The following LHFPL6 variants were observed in gnomAD, a reference collection of about 807,000 sequenced individuals.
The protein encoded by LHFPL6 is LHFPL tetraspan subfamily member 6 protein.
A neutral mutation model predicts 20.6 loss-of-function variants in LHFPL6; 9 were observed. That is an observed-to-expected ratio of 0.44 (90% CI 0.26 to 0.76). The LOEUF (loss-of-function observed/expected upper bound fraction) is 0.76. Ranked by LOEUF, LHFPL6 falls within the 30% of genes least tolerant of loss-of-function variation. The probability of loss-of-function intolerance (pLI) is 0.20; values close to 1 mark genes in which losing one functional copy is unlikely to be tolerated. For missense variants in LHFPL6, 218 were observed against 253.5 expected (o/e 0.86, Z 0.95); for synonymous variants, 105 against 98.7 (o/e 1.06, Z -0.38).
intron 2 of LHFPL6, among the ~76,000 whole-genome samples, chr13:39,465,343 C>T (rs1872778076): frequency 1.3e-5 from 2 of 152,170 alleles, no homozygotes; most frequent in Admixed American, 6.5e-5. Flanking sequence ...AGCAAGGTGA[C>T]TCCTGGACAG....
At chr13:39,561,338 C>G (rs1037245832) in intron 2 of LHFPL6, among the ~76,000 whole-genome samples, 2 of 152,086 alleles carry the variant, frequency 1.3e-5, no homozygotes, top group African/African-American at 4.8e-5. Context: ...AATCTTGAGT[C>G]GTCTTCAAAC....
At chr13:39,571,109 C>T (rs1161162926) in intron 2 of LHFPL6, among the ~76,000 whole-genome samples, 1 of 152,146 alleles carries the variant, frequency 6.6e-6, no homozygotes, top group East Asian at 1.9e-4. Context: ...ACAAATCAGG[C>T]TTTATTTCAA....
At chr13:39,397,897 A>G (rs1870883536) in intron 2 of LHFPL6, among the ~76,000 whole-genome samples, 1 of 150,534 alleles carries the variant, frequency 6.6e-6, no homozygotes, top group Non-Finnish European at 1.5e-5. Context: ...GATCTAGGAA[A>G]GTCAGACTTT....
intron 2 of LHFPL6, among the ~76,000 whole-genome samples, chr13:39,541,365 T>C (rs758699564): frequency 4.2e-4 from 64 of 152,210 alleles, no homozygotes; most frequent in Non-Finnish European, 7.5e-4. Context: ...TCTGCAGACA[T>C]ACTGCCCCAT....
chr13:39,472,357 C>A (rs748473053), intron 2 of LHFPL6, among the ~76,000 whole-genome samples: 1 of 152,050 alleles, frequency 6.6e-6, no homozygotes, highest in Non-Finnish European at 1.5e-5. Flanking sequence ...AGGCTCTTCT[C>A]CTTGGATGTT....
At position 39,501,206 on chromosome 13, in the gene LHFPL6, A is replaced by G. The variant is rs1018866854; in HGVS notation, c.385+99626T>C. On this transcript the variant is annotated intron_variant, in intron 2 of 3. Coordinates refer to ENST00000379589, the MANE Select transcript of LHFPL6 (RefSeq NM_005780.3). The stretch of plus-strand genomic sequence containing the variant: ...TTAGCAACAGGAAGTCGGTGTCTAA[A>G]GCTGGACTAGTAAGCAGGCCTTTTG... Among the ~76,000 whole-genome samples the G allele has an allele frequency of 2.6e-5, 4 of 152,198 alleles. No homozygotes were observed. In the East Asian group the frequency reaches 5.8e-4, roughly 22 times the overall value.
chr13:39,378,205 T>C (rs1380377531), intron 3 of LHFPL6, among the ~76,000 whole-genome samples: 2 of 152,202 alleles, frequency 1.3e-5, no homozygotes, highest in Non-Finnish European at 2.9e-5. Flanking sequence ...AGGGGCCATT[T>C]CTTATCTTTG....
At chr13:39,395,329 G>A (rs1049157155) in intron 2 of LHFPL6, among the ~76,000 whole-genome samples, 1 of 152,150 alleles carries the variant, frequency 6.6e-6, no homozygotes, top group African/African-American at 2.4e-5. Context: ...CAGGCAGGCT[G>A]AGTAAAAACA....
intron 2 of LHFPL6, among the ~76,000 whole-genome samples, chr13:39,422,725 G>A (rs949533826): frequency 2.2e-4 from 33 of 152,132 alleles, no homozygotes; most frequent in Admixed American, 2.1e-3. Context: ...TTTGGGTTAG[G>A]AGCCTCATTT....
chr13:39,447,075 T>G (rs1447298203), intron 2 of LHFPL6, among the ~76,000 whole-genome samples: 3 of 152,192 alleles, frequency 2.0e-5, no homozygotes, highest in Non-Finnish European at 4.4e-5. Context: ...GTTGGCCTTG[T>G]ATAGGAACAC....
intron 2 of LHFPL6, among the ~76,000 whole-genome samples, chr13:39,501,741 C>A (rs1389473867): frequency 1.3e-5 from 2 of 152,116 alleles, no homozygotes; most frequent in Non-Finnish European, 2.9e-5. Context: ...AACCCCTGCT[C>A]TTAGTGTGGT....
At chr13:39,452,786 C>G (rs1417384403) in intron 2 of LHFPL6, among the ~76,000 whole-genome samples, 1 of 152,174 alleles carries the variant, frequency 6.6e-6, no homozygotes, top group Non-Finnish European at 1.5e-5. Flanking sequence ...CAGACATATC[C>G]ATTGATAGTA....
At chr13:39,421,010 G>C (rs1197285777) in intron 2 of LHFPL6, among the ~76,000 whole-genome samples, 1 of 152,100 alleles carries the variant, frequency 6.6e-6, no homozygotes, top group African/African-American at 2.4e-5. Context: ...AATTGAAAAG[G>C]AGTTGTGCTT....
intron 2 of LHFPL6, among the ~76,000 whole-genome samples, chr13:39,435,606 C>T (rs1871936759): frequency 6.6e-6 from 1 of 152,034 alleles, no homozygotes; most frequent in African/African-American, 2.4e-5. Context: ...ATTGAAAATG[C>T]AAGACAGGAT....
At chr13:39,372,118 TATA>T (rs1870180289) in intron 3 of LHFPL6, among the ~76,000 whole-genome samples, 1 of 152,056 alleles carries the variant, frequency 6.6e-6, no homozygotes, top group Non-Finnish European at 1.5e-5. Flanking sequence ...CCTGCCTTGC[TATA>T]ATAAGAGATC....
chr13:39,426,622 AAC>A (rs1871645096), intron 2 of LHFPL6, among the ~76,000 whole-genome samples: 1 of 152,250 alleles, frequency 6.6e-6, no homozygotes, highest in Non-Finnish European at 1.5e-5. Context: ...CACTTAGAAT[AAC>A]ATTTTCAAGG....
intron 3 of LHFPL6, among the ~76,000 whole-genome samples, chr13:39,346,629 C>T (rs375970377): frequency 2.0e-5 from 3 of 152,270 alleles, no homozygotes; most frequent in African/African-American, 7.2e-5. Context: ...AACGCCCGAT[C>T]ATCCCCCAGG....
chr13:39,573,876 A>C (rs1872014524), intron 2 of LHFPL6, among the ~76,000 whole-genome samples: 1 of 152,184 alleles, frequency 6.6e-6, no homozygotes, highest in African/African-American at 2.4e-5. Context: ...ATTATTTTTG[A>C]AATATTTTTC....
chr13:39,374,184 C>T (rs1870228144), intron 3 of LHFPL6, among the ~76,000 whole-genome samples: 1 of 152,060 alleles, frequency 6.6e-6, no homozygotes, highest in Non-Finnish European at 1.5e-5. Flanking sequence ...CCATGGAATA[C>T]TACACAGCCA....
Sources: gnomAD v4.1 joint callset for allele counts (sites outside exome capture counted in the v4.1 genomes callset) on GRCh38, gnomAD v4.1.1 for gene constraint, MANE v1.5 for transcripts, NCBI Gene and HGNC (gene_info 2026-07-23, HGNC 2026-07-21) for gene names.